The following GTF2IRD1 variants were observed in gnomAD, a reference collection of about 807,000 sequenced individuals.
GTF2IRD1 encodes the protein GTF2I repeat domain containing 1.
In GTF2IRD1, 26 loss-of-function variants were observed where a neutral mutation model predicts 113.2. That is an observed-to-expected ratio of 0.23 (90% CI 0.17 to 0.32). The LOEUF is 0.32. Ranked by LOEUF, GTF2IRD1 falls within the 10% of genes least tolerant of loss-of-function variation. The probability of loss-of-function intolerance (pLI) is 1.00; values close to 1 mark genes in which losing one functional copy is unlikely to be tolerated. For missense variants in GTF2IRD1, 864 were observed against 1,280.8 expected (o/e 0.67, Z 4.97); for synonymous variants, 484 against 529.1 (o/e 0.91, Z 1.17).
intron 17 of GTF2IRD1, among the ~76,000 whole-genome samples, chr7:74,551,159 T>C (rs1799283458): frequency 1.3e-5 from 2 of 152,184 alleles, no homozygotes; most frequent in African/African-American, 4.8e-5. Context: ...CTGGCCAACA[T>C]GGTGAAACAC....
At position 74,502,885 on chromosome 7, in the gene GTF2IRD1, G is replaced by T. The variant is rs563588197; in HGVS notation, c.-6-5190G>T. Among the ~76,000 whole-genome samples, 53 of 152,330 alleles carry T rather than the reference G, an allele frequency of 3.5e-4. 1 individual carries two copies. The South Asian group carries it at 0.011, about 32-fold the overall frequency. ...GTGAACTTAAAAATACAGTGTCCAGGGCTGGGCGCGGTGGCTCACGCCTGT... is the reference window on the plus strand; with the variant it reads ...GTGAACTTAAAAATACAGTGTCCAGTGCTGGGCGCGGTGGCTCACGCCTGT... On this transcript the variant is annotated intron_variant, in intron 1 of 26. Transcript: ENST00000424337.
chr7:74,529,708 G>T, intron 8 of GTF2IRD1, 26 bp from the exon 9 acceptor site: 1 of 1,611,520 alleles, frequency 6.2e-7, no homozygotes. Flanking sequence ...CTAACACTCA[G>T]CCTTGCTGTT....
intron 3 of GTF2IRD1, 120 bp downstream of exon 3, chr7:74,513,091 A>G: frequency 1.1e-6 from 1 of 933,392 alleles, no homozygotes; most frequent in Non-Finnish European, 1.6e-6. Flanking sequence ...GAGTGAACCT[A>G]ACAAGCTAGG....
intron 26 of GTF2IRD1, chr7:74,601,434 G>T: frequency 6.8e-7 from 1 of 1,468,360 alleles, no homozygotes; most frequent in South Asian, 1.4e-5. Context: ...GCCGGCTGAG[G>T]TCCACCTGCC....
intron 1 of GTF2IRD1, among the ~76,000 whole-genome samples, chr7:74,502,895 G>A (rs1225930098): frequency 1.3e-5 from 2 of 152,006 alleles, no homozygotes; most frequent in Non-Finnish European, 2.9e-5. Context: ...GGCTGGGCGC[G>A]GTGGCTCACG....
chr7:74,502,107 T>C (rs1796065539), intron 1 of GTF2IRD1, among the ~76,000 whole-genome samples: 1 of 152,108 alleles, frequency 6.6e-6, no homozygotes. Context: ...CCCGGCTAAT[T>C]TCTGTATTTT....
chr7:74,556,843 C>A (rs1393316893), intron 19 of GTF2IRD1, among the ~76,000 whole-genome samples: 2 of 151,402 alleles, frequency 1.3e-5, no homozygotes, highest in Non-Finnish European at 2.9e-5. Context: ...AGGCTGGTTT[C>A]CAACTCCTGC....
intron 1 of GTF2IRD1, among the ~76,000 whole-genome samples, chr7:74,479,752 C>CTTT (rs1219454712): frequency 4.8e-4 from 59 of 122,104 alleles, no homozygotes; most frequent in African/African-American, 6.3e-4. Flanking sequence ...GTACATGAAT[C>CTTT]TTTTTTTTTT....
At chr7:74,565,065 TG>T (rs10706308) in intron 22 of GTF2IRD1, among the ~76,000 whole-genome samples, 151,423 of 151,878 alleles carry the variant, frequency 1, 75,484 homozygotes, top group Middle Eastern at 1. Context: ...TGCAGAGGGA[TG>T]GGGGGGACTG....
chr7:74,469,420 C>A (rs1793953391), intron 1 of GTF2IRD1, among the ~76,000 whole-genome samples: 2 of 151,996 alleles, frequency 1.3e-5, no homozygotes, highest in South Asian at 4.1e-4. Context: ...CCCCATTAAG[C>A]AGTCAGCCCT....
chr7:74,495,701 C>G (rs1047427002), intron 1 of GTF2IRD1, among the ~76,000 whole-genome samples: 1 of 152,090 alleles, frequency 6.6e-6, no homozygotes, highest in Non-Finnish European at 1.5e-5. Context: ...TGTTGACGAG[C>G]CCACAAGAGC....
chr7:74,513,038 T>G (rs981252134), intron 3 of GTF2IRD1, 67 bp downstream of exon 3: 11 of 1,497,796 alleles, frequency 7.3e-6, no homozygotes, highest in Non-Finnish European at 1.0e-5. Flanking sequence ...CTAGCCCATC[T>G]CTGGGTCCCC....
chr7:74,520,276 G>T (rs1274602533), intron 6 of GTF2IRD1, among the ~76,000 whole-genome samples: 2 of 151,922 alleles, frequency 1.3e-5, no homozygotes, highest in Admixed American at 1.3e-4. Flanking sequence ...ACTGGGGGAA[G>T]TAGGTCCTGG....
chr7:74,454,632 GC>G (rs1415653212), intron 1 of GTF2IRD1, among the ~76,000 whole-genome samples: 1 of 151,892 alleles, frequency 6.6e-6, no homozygotes, highest in African/African-American at 2.4e-5. Flanking sequence ...CCTGGCCCGC[GC>G]CCCCAACTCC....
chr7:74,512,879 A>G lies in GTF2IRD1; in HGVS notation c.173A>G (p.His58Arg), dbSNP rs145072521. The G allele has an allele frequency of 1.2e-5, 19 of 1,614,098 alleles. No homozygotes were observed. Among genetic ancestry groups the G allele is most frequent in the African/African-American group, 1.3e-5 (1 of 75,036 alleles). ...LNAEVACVAVHDESAFVVGTE... is the reference protein window; with the variant it reads ...LNAEVACVAVRDESAFVVGTE... Reference sequence around the variant, plus strand: ...GCCGAGGTGGCCTGTGTCGCCGTGCACGATGAGAGCGCCTTTGTGGTGGGC... The same window carrying G: ...GCCGAGGTGGCCTGTGTCGCCGTGCGCGATGAGAGCGCCTTTGTGGTGGGC... Residue 58 changes from histidine to arginine, a missense_variant, in exon 3 of 27, where the codon CAC (histidine) becomes CGC (arginine). Coordinates refer to ENST00000424337, the MANE Select transcript of GTF2IRD1 (RefSeq NM_005685.4). The surrounding 1 kb of genome is among the most constrained non-coding windows in gnomAD (Gnocchi z 4.4).
At chr7:74,571,351 G>C (rs1204411188) in intron 22 of GTF2IRD1, among the ~76,000 whole-genome samples, 3 of 152,240 alleles carry the variant, frequency 2.0e-5, no homozygotes, top group Non-Finnish European at 4.4e-5. Flanking sequence ...GGATGGAGCG[G>C]GGACAGCCTG....
intron 17 of GTF2IRD1, among the ~76,000 whole-genome samples, chr7:74,548,921 A>T (rs1439624609): frequency 2.0e-5 from 3 of 151,992 alleles, no homozygotes; most frequent in Non-Finnish European, 4.4e-5. Flanking sequence ...AACAAAAAAA[A>T]CCAGGGAATG....
chr7:74,526,147 T>C (rs1173344603), intron 8 of GTF2IRD1, among the ~76,000 whole-genome samples: 2 of 152,246 alleles, frequency 1.3e-5, no homozygotes, highest in South Asian at 4.1e-4. Flanking sequence ...CGGCTCTGCC[T>C]GCCTTGGGAG....
chr7:74,598,189 C>CTCCAG (rs1276540107), intron 25 of GTF2IRD1, among the ~76,000 whole-genome samples: 1 of 151,430 alleles, frequency 6.6e-6, no homozygotes, highest in Non-Finnish European at 1.5e-5. Flanking sequence ...TGCCACTGCG[C>CTCCAG]TCCAGCCTGG....
Sources: allele counts gnomAD v4.1 joint callset (sites outside exome capture counted in the v4.1 genomes callset), GRCh38; gene constraint gnomAD v4.1.1; non-coding constraint Gnocchi (gnomAD v3.1); transcripts MANE v1.5; gene names NCBI Gene and HGNC (gene_info 2026-07-23, HGNC 2026-07-21).